RGS7: variants seen among roughly 807,000 people sequenced by gnomAD.
RGS7 encodes the protein regulator of G-protein signaling 7.
In RGS7, 27 loss-of-function variants were observed where a neutral mutation model predicts 81.1. The observed-to-expected ratio is 0.33, with a 90% CI of 0.25 to 0.46. The LOEUF (loss-of-function observed/expected upper bound fraction) is 0.46, where lower values mean the gene tolerates loss of function less well. RGS7 is among the 20% of genes least tolerant of loss of function. The probability of loss-of-function intolerance (pLI) is 1.00; values close to 1 mark genes in which losing one functional copy is unlikely to be tolerated. For synonymous variants in RGS7, 208 were observed against 207.7 expected (o/e 1.00, Z -0.01); for missense variants, 396 against 607.4 (o/e 0.65, Z 3.66).
chr1:241,068,238 G>GTGTGTGTATATATATA, intron 3 of RGS7, among the ~76,000 whole-genome samples: 9 of 35,678 alleles, frequency 2.5e-4, no homozygotes, highest in Non-Finnish European at 3.2e-4. Flanking sequence ...GTGTGTGTGT[G>GTGTGTGTATATATATA]TATATATATA....
intron 7 of RGS7, among the ~76,000 whole-genome samples, chr1:240,869,531 T>G (rs1664098531): frequency 6.6e-6 from 1 of 152,228 alleles, no homozygotes; most frequent in Non-Finnish European, 1.5e-5. Flanking sequence ...TTTTATACTT[T>G]GAGTTTATGT....
chr1:241,038,892 A>G (rs1474887104), intron 3 of RGS7, among the ~76,000 whole-genome samples: 1 of 152,140 alleles, frequency 6.6e-6, no homozygotes, highest in Non-Finnish European at 1.5e-5. Context: ...ACTTGAGCTC[A>G]GGAGTTTAAG....
At chr1:241,168,741 C>A (rs995185452) in intron 2 of RGS7, among the ~76,000 whole-genome samples, 1 of 151,970 alleles carries the variant, frequency 6.6e-6, no homozygotes, top group Non-Finnish European at 1.5e-5. Context: ...TCTCTCCCCC[C>A]ACCTCCCCAC....
chr1:240,826,774 T>C (rs906082999), intron 10 of RGS7, among the ~76,000 whole-genome samples: 1 of 149,356 alleles, frequency 6.7e-6, no homozygotes, highest in Non-Finnish European at 1.5e-5. Context: ...CCCTGCACTC[T>C]TTCTGGAATT....
intron 2 of RGS7, among the ~76,000 whole-genome samples, chr1:241,192,628 T>G (rs952959637): frequency 6.6e-6 from 1 of 152,172 alleles, no homozygotes; most frequent in Non-Finnish European, 1.5e-5. Flanking sequence ...AATTTATCCA[T>G]GAAACAAATT....
intron 2 of RGS7, among the ~76,000 whole-genome samples, chr1:241,348,835 T>C (rs995461647): frequency 1.4e-4 from 21 of 152,166 alleles, no homozygotes; most frequent in African/African-American, 4.6e-4. Context: ...AAAAATGGTA[T>C]TACCAATGCA....
intron 2 of RGS7, among the ~76,000 whole-genome samples, chr1:241,304,282 C>T (rs2079946840): frequency 6.6e-6 from 1 of 152,014 alleles, no homozygotes; most frequent in African/African-American, 2.4e-5. Flanking sequence ...ACTCTAGAGG[C>T]AAGTTCGCAA....
chr1:241,322,274 C>T (rs189134741), intron 2 of RGS7, among the ~76,000 whole-genome samples: 1 of 152,292 alleles, frequency 6.6e-6, no homozygotes, highest in East Asian at 1.9e-4. Context: ...GTGTACAACA[C>T]CACACCTATA....
At chr1:240,920,476 T>C (rs1054299717) in intron 6 of RGS7, 9 of 975,982 alleles carry the variant, frequency 9.2e-6, no homozygotes, top group Admixed American at 6.8e-5. Context: ...TTTGGACCCA[T>C]GAAGCGAGGA....
chr1:241,235,669 TC>T (rs2075913323), intron 2 of RGS7, among the ~76,000 whole-genome samples: 1 of 78,384 alleles, frequency 1.3e-5, no homozygotes, highest in Non-Finnish European at 2.8e-5. Context: ...TTTCTCTTTC[TC>T]TCTCTCTTTC....
chr1:241,069,827 GA>G (rs1242264026), intron 3 of RGS7, among the ~76,000 whole-genome samples: 5 of 152,068 alleles, frequency 3.3e-5, no homozygotes, highest in Admixed American at 6.6e-5. Flanking sequence ...AATGAAAGAA[GA>G]AAAACAATCG....
chr1:240,999,791 C>T (rs1055911531), intron 3 of RGS7, among the ~76,000 whole-genome samples: 14 of 151,160 alleles, frequency 9.3e-5, no homozygotes, highest in Middle Eastern at 6.8e-3. Flanking sequence ...CCAGTAGAGA[C>T]GGGGTTTCGC....
chr1:240,853,145 G>A (rs1026380852), intron 9 of RGS7, among the ~76,000 whole-genome samples: 6 of 152,152 alleles, frequency 3.9e-5, no homozygotes, highest in Admixed American at 2.0e-4. Context: ...GAGATTTCTA[G>A]GCCTGATTTT....
At chr1:241,099,375 C>T (rs1284790518) in intron 2 of RGS7, among the ~76,000 whole-genome samples, 1 of 152,050 alleles carries the variant, frequency 6.6e-6, no homozygotes, top group Non-Finnish European at 1.5e-5. Flanking sequence ...CACACATGCA[C>T]ATGTACACAC....
chr1:241,046,220 C>T lies in RGS7; in HGVS notation c.175+52446G>A, dbSNP rs540048754. ...GCAGGTTTGTTACGTGGGTATATTG[C>T]ATAACACTGAGGTTTGGGGTACAAA... is the stretch of plus-strand genomic sequence containing the variant. On this transcript the variant is annotated intron_variant, in intron 3 of 18. Coordinates refer to ENST00000440928, the MANE Select transcript of RGS7 (RefSeq NM_001364886.1). Among the ~76,000 whole-genome samples the T allele has an allele frequency of 1.2e-4, 18 of 152,132 alleles. No homozygotes were observed. In the East Asian group the frequency reaches 3.5e-3, roughly 29 times the overall value.
intron 4 of RGS7, among the ~76,000 whole-genome samples, chr1:240,967,913 G>A (rs1164274924): frequency 1.3e-5 from 2 of 152,096 alleles, no homozygotes; most frequent in African/African-American, 4.8e-5. Context: ...AATGTTTTAA[G>A]AAAAATGTAT....
At chr1:241,165,142 G>A (rs1039122870) in intron 2 of RGS7, among the ~76,000 whole-genome samples, 1 of 152,104 alleles carries the variant, frequency 6.6e-6, no homozygotes, top group African/African-American at 2.4e-5. Flanking sequence ...TTGATTCTTG[G>A]GCACAGCAGT....
chr1:240,842,198 A>ATTTTTTTTTTTTTTT (rs1658147614), intron 9 of RGS7, among the ~76,000 whole-genome samples: 1 of 36,642 alleles, frequency 2.7e-5, no homozygotes, highest in Admixed American at 2.4e-4. Flanking sequence ...GTTTGTCAGG[A>ATTTTTTTTTTTTTTT]ATTTTTTTTT....
intron 3 of RGS7, among the ~76,000 whole-genome samples, chr1:241,089,063 C>CTCTCTCTCTCTATATATATATA (rs1374552672): frequency 1.7e-4 from 4 of 23,680 alleles, no homozygotes; most frequent in African/African-American, 2.3e-4. Flanking sequence ...CTCTCTCTCT[C>CTCTCTCTCTCTATATATATATA]TATATATATA....
Sources: allele counts gnomAD v4.1 joint callset (sites outside exome capture counted in the v4.1 genomes callset), GRCh38; gene constraint gnomAD v4.1.1; transcripts MANE v1.5; gene names NCBI Gene and HGNC (gene_info 2026-07-23, HGNC 2026-07-21).